TEX101: variants seen among roughly 807,000 people sequenced by gnomAD.
The protein encoded by TEX101 is testis expressed 101, also known as testis-expressed protein 101.
TEX101 carries 10 observed loss-of-function variants against 18.1 expected under a neutral mutation model. That is an observed-to-expected ratio of 0.55 (90% confidence interval 0.34 to 0.94). The LOEUF (loss-of-function observed/expected upper bound fraction) is 0.94. Among genes scored for constraint, TEX101 ranks in the 40% least tolerant of loss-of-function variants. The pLI is 0.02. For missense variants in TEX101, 259 were observed against 298.9 expected, an observed-to-expected ratio of 0.87 and a Z score of 0.98; for synonymous variants, 94 against 114.8, an observed-to-expected ratio of 0.82 and a Z score of 1.16.
chr19:43,414,886 T>C, upstream of TEX101: 2 of 985,442 alleles, frequency 2.0e-6, no homozygotes, highest in Non-Finnish European at 2.4e-6. Flanking sequence ...CGGCCTTGCG[T>C]CGTAAGAGAA....
chr19:43,398,217 T>A (rs1159689886), upstream of TEX101, among the ~76,000 whole-genome samples: 9 of 110,156 alleles, frequency 8.2e-5, no homozygotes, highest in African/African-American at 2.1e-4. Context: ...AATATATAAA[T>A]ATGTATAACA....
At chr19:43,397,866 T>TAAA (rs1970283002), upstream of TEX101, among the ~76,000 whole-genome samples, 1 of 101,830 alleles carries the variant, frequency 9.8e-6, no homozygotes, top group African/African-American at 3.8e-5. Flanking sequence ...TATAAATATA[T>TAAA]AATATATAAA....
At chr19:43,398,433 G>A (rs1017841928), upstream of TEX101, among the ~76,000 whole-genome samples, 1 of 150,414 alleles carries the variant, frequency 6.6e-6, no homozygotes, top group East Asian at 1.9e-4. Flanking sequence ...GCACCACCAC[G>A]CCCAGCTAAT....
At chr19:43,415,115 G>T in intron 1 of TEX101, 77 bp downstream of exon 1, 1 of 949,764 alleles carries the variant, frequency 1.1e-6, no homozygotes, top group Non-Finnish European at 1.3e-6. Context: ...GGGCCTGAGA[G>T]GGAGGGGACC....
chr19:43,415,759 C>CA (rs745993085), intron 1 of TEX101, 122 bp from the exon 2 acceptor site: 74,445 of 673,354 alleles, frequency 0.11, no homozygotes, highest in East Asian at 0.14. Flanking sequence ...GACTCCGTCT[C>CA]AAAAAAAAAA....
chr19:43,417,963 T>A lies in TEX101; in HGVS notation c.477T>A (p.Asn159Lys), dbSNP rs775781538. ...CFSAPSLPCP[N>K]GTTRCYQGKL... ...GTGCTCCTTCTCTTCCCTGTCCCAATGGTACAACTCGATGCTATCAAGGAA... is the reference window on the plus strand; with the variant it reads ...GTGCTCCTTCTCTTCCCTGTCCCAAAGGTACAACTCGATGCTATCAAGGAA... The change falls in exon 5 of 6, where the codon AAT becomes AAA. Residue 159 changes from asparagine to lysine, a missense_variant. By Grantham distance (94) the Asn-to-Lys change is moderately conservative (BLOSUM62 0). Transcript: ENST00000598265. The A allele has an allele frequency of 6.2e-7, 1 of 1,614,034 alleles. No individual in the cohort carries two copies. Among genetic ancestry groups the A allele is most frequent in the East Asian group, 2.2e-5 (1 of 44,896 alleles).
chr19:43,409,599 A>AGTT (rs538190920), intron 3 of TEX101, among the ~76,000 whole-genome samples: 1 of 151,896 alleles, frequency 6.6e-6, no homozygotes, highest in Non-Finnish European at 1.5e-5. Context: ...AGCACAAGAA[A>AGTT]GTTGAAGTAC....
chr19:43,415,759 C>CAA (rs745993085), intron 1 of TEX101, 122 bp from the exon 2 acceptor site: 931 of 698,496 alleles, frequency 1.3e-3, no homozygotes, highest in Non-Finnish European at 1.6e-3. Flanking sequence ...GACTCCGTCT[C>CAA]AAAAAAAAAA....
At chr19:43,414,888 G>A (rs570711027), upstream of TEX101, 28 of 985,478 alleles carry the variant, frequency 2.8e-5, no homozygotes, top group Non-Finnish European at 3.1e-5. Flanking sequence ...GCCTTGCGTC[G>A]TAAGAGAATG....
At chr19:43,417,444 A>C (rs10416367) in intron 4 of TEX101, among the ~76,000 whole-genome samples, 2,631 of 152,346 alleles carry the variant, frequency 0.017, 70 homozygotes, top group African/African-American at 0.059. Context: ...TGTTTCCTTT[A>C]CTACCCTCCC....
intron 3 of TEX101, among the ~76,000 whole-genome samples, chr19:43,406,931 G>GTTTTTTTTTTTTTTTTTTTTTTTT: frequency 8.6e-6 from 1 of 116,116 alleles, no homozygotes; most frequent in Non-Finnish European, 1.7e-5. Flanking sequence ...TTTGTTTTTT[G>GTTTTTTTTTTTTTTTTTTTTTTTT]TTTTTTTTTT....
the TEX101 span, among the ~76,000 whole-genome samples, chr19:43,394,410 G>A: frequency 6.6e-6 from 1 of 151,676 alleles, no homozygotes; most frequent in African/African-American, 2.4e-5. Context: ...CCATCACTTG[G>A]TCCTGTGAAG....
chr19:43,413,047 C>T (rs1191064749), upstream of TEX101, among the ~76,000 whole-genome samples: 3 of 152,148 alleles, frequency 2.0e-5, no homozygotes, highest in Non-Finnish European at 4.4e-5. Flanking sequence ...CAACCCCTGA[C>T]CTAAACTACT....
In TEX101 at chr19:43,415,992, G is replaced by T. The variant is rs1464273004; in HGVS notation, c.64+9G>T. On this transcript the variant is annotated intron_variant, in intron 2 of 5. Transcript: ENST00000598265. ...AGCCTCCCTCCTGACCTGTGCGTAT[G>T]GGGGACATAGGGGAGAGCCGTGTGT... 1.2e-6 allele frequency: 2 copies of T among 1,613,614 alleles called. No homozygotes were observed. Among genetic ancestry groups the T allele is most frequent in the East Asian group, 4.5e-5 (2 of 44,878 alleles).
the TEX101 span, among the ~76,000 whole-genome samples, chr19:43,389,392 G>A: frequency 2.0e-5 from 3 of 152,192 alleles, no homozygotes; most frequent in African/African-American, 7.2e-5. Context: ...TTTTGTTTTT[G>A]TTTTAATTTT....
At chr19:43,417,226 T>C (rs1183176136) in intron 4 of TEX101, among the ~76,000 whole-genome samples, 1 of 152,056 alleles carries the variant, frequency 6.6e-6, no homozygotes, top group Non-Finnish European at 1.5e-5. Flanking sequence ...ATTTACTGTG[T>C]GCTAACTGGG....
At chr19:43,398,468 G>T (rs1260681994), upstream of TEX101, among the ~76,000 whole-genome samples, 1 of 151,410 alleles carries the variant, frequency 6.6e-6, no homozygotes, top group African/African-American at 2.4e-5. Flanking sequence ...TAGAGACAGG[G>T]TTTCACCATG....
At chr19:43,409,458 G>A (rs1970399698) in intron 3 of TEX101, among the ~76,000 whole-genome samples, 1 of 152,060 alleles carries the variant, frequency 6.6e-6, no homozygotes, top group East Asian at 1.9e-4. Flanking sequence ...TTCAATTAAG[G>A]GGTACAGATT....
intron 1 of TEX101, among the ~76,000 whole-genome samples, chr19:43,402,553 T>G (rs1333252811): frequency 6.6e-6 from 1 of 152,096 alleles, no homozygotes; most frequent in Non-Finnish European, 1.5e-5. Context: ...TGACTGGAGA[T>G]AGAACAAACA....
Sources: allele counts gnomAD v4.1 joint callset (sites outside exome capture counted in the v4.1 genomes callset), GRCh38; gene constraint gnomAD v4.1.1; transcripts MANE v1.5; gene names NCBI Gene and HGNC (gene_info 2026-07-23, HGNC 2026-07-21).